Variants in TENM2 observed in about 807,000 individuals in gnomAD.
The protein encoded by TENM2 is teneurin-2.
A neutral mutation model predicts 245.2 loss-of-function variants in TENM2; 52 were observed. That is an observed-to-expected ratio of 0.21 (90% CI 0.17 to 0.27). The LOEUF (loss-of-function observed/expected upper bound fraction) is 0.27, where lower values mean the gene tolerates loss of function less well. TENM2 is among the 10% of genes least tolerant of loss of function. TENM2 has a pLI of 1.00. For synonymous variants in TENM2, 1,363 were observed against 1,438.9 expected (o/e 0.95, Z 1.19); for missense variants, 3,046 against 3,666.8 (o/e 0.83, Z 4.37).
intron 2 of TENM2, among the ~76,000 whole-genome samples, chr5:167,787,881 C>G (rs113604703): frequency 5.4e-4 from 82 of 152,186 alleles, no homozygotes; most frequent in Non-Finnish European, 8.8e-4. Flanking sequence ...TGCCCACCAC[C>G]GCTGTGGTAG....
At chr5:167,826,089 CA>C (rs1462492210) in intron 2 of TENM2, among the ~76,000 whole-genome samples, 1 of 151,888 alleles carries the variant, frequency 6.6e-6, no homozygotes, top group South Asian at 2.1e-4. Context: ...CTAGCATGTG[CA>C]AAAAAACAAA....
intron 2 of TENM2, among the ~76,000 whole-genome samples, chr5:167,810,536 T>A (rs1157907005): frequency 1.3e-5 from 2 of 151,844 alleles, no homozygotes; most frequent in African/African-American, 4.8e-5. Context: ...GCTGTGAAGG[T>A]TGATGTTGAG....
At chr5:167,653,744 T>TA (rs1754639968) in intron 2 of TENM2, 1 of 152,200 alleles carries the variant, frequency 6.6e-6, no homozygotes. Context: ...ATCAATACGC[T>TA]ACATTTCTCT....
At chr5:167,638,556 A>G (rs1306195563) in intron 2 of TENM2, among the ~76,000 whole-genome samples, 1 of 152,242 alleles carries the variant, frequency 6.6e-6, no homozygotes, top group East Asian at 1.9e-4. Context: ...AAGAAGGATT[A>G]GAAGACAGAG....
chr5:167,477,440 G>C (rs1016868804), intron 2 of TENM2, among the ~76,000 whole-genome samples: 5 of 152,058 alleles, frequency 3.3e-5, no homozygotes, highest in Admixed American at 1.3e-4. Flanking sequence ...TGGCGGGTGG[G>C]GGGGGAGGTC....
intron 5 of TENM2, among the ~76,000 whole-genome samples, chr5:168,023,283 A>AG (rs1425017618): frequency 3.3e-5 from 5 of 152,264 alleles, no homozygotes; most frequent in Non-Finnish European, 7.3e-5. Context: ...AATAAAAATA[A>AG]GCCAGCCTGA....
the TENM2 span, among the ~76,000 whole-genome samples, chr5:167,139,604 A>T: frequency 6.6e-6 from 1 of 152,338 alleles, no homozygotes; most frequent in Non-Finnish European, 1.5e-5. Flanking sequence ...TTATAATGTA[A>T]ACATTTTTCC....
chr5:167,270,114 T>C, the TENM2 span, among the ~76,000 whole-genome samples: 2 of 152,198 alleles, frequency 1.3e-5, no homozygotes, highest in South Asian at 4.1e-4. Flanking sequence ...TTTCAGATTT[T>C]CAGTGTTAAA....
chr5:167,672,912 CAAA>C (rs35274077), intron 2 of TENM2, among the ~76,000 whole-genome samples: 19 of 110,846 alleles, frequency 1.7e-4, no homozygotes, highest in Admixed American at 2.6e-4. Context: ...TCAGGCAAAG[CAAA>C]AAAAAAAAAA....
At chr5:167,591,666 CTCTT>C (rs1189354901) in intron 2 of TENM2, among the ~76,000 whole-genome samples, 1 of 152,206 alleles carries the variant, frequency 6.6e-6, no homozygotes, top group East Asian at 1.9e-4. Context: ...ATAAATTAAA[CTCTT>C]TATATATCAG....
At chr5:167,057,321 G>T in the TENM2 span, among the ~76,000 whole-genome samples, 1 of 152,094 alleles carries the variant, frequency 6.6e-6, no homozygotes, top group African/African-American at 2.4e-5. Flanking sequence ...TAACAACCCT[G>T]CCATCTCTAA....
chr5:167,782,202 A>G (rs1347165886), intron 2 of TENM2, among the ~76,000 whole-genome samples: 5 of 149,566 alleles, frequency 3.3e-5, no homozygotes, highest in Non-Finnish European at 7.4e-5. Context: ...AATCCCAGCT[A>G]CTCGGGAGGC....
intron 2 of TENM2, among the ~76,000 whole-genome samples, chr5:167,541,164 C>T (rs1267929417): frequency 6.6e-6 from 1 of 152,118 alleles, no homozygotes; most frequent in African/African-American, 2.4e-5. Flanking sequence ...AGCATCAATC[C>T]CTTCTTCTAA....
chr5:167,137,460 T>C, the TENM2 span, among the ~76,000 whole-genome samples: 1 of 152,190 alleles, frequency 6.6e-6, no homozygotes, highest in East Asian at 1.9e-4. Context: ...CCAGCTCTCA[T>C]GTGCCACACT....
chr5:168,168,631 G>GT (rs1562240739), intron 13 of TENM2, among the ~76,000 whole-genome samples: 1 of 149,628 alleles, frequency 6.7e-6, no homozygotes, highest in Non-Finnish European at 1.5e-5. Context: ...GCAGTAAGCC[G>GT]TGATTGTGCT....
chr5:167,020,333 T>C, the TENM2 span, among the ~76,000 whole-genome samples: 1 of 152,310 alleles, frequency 6.6e-6, no homozygotes, highest in Admixed American at 6.5e-5. Context: ...TTAAGAATGC[T>C]AGGAAGAAAC....
chr5:167,404,102 CTT>C (rs886741727), intron 2 of TENM2, among the ~76,000 whole-genome samples: 5 of 151,990 alleles, frequency 3.3e-5, no homozygotes, highest in African/African-American at 1.2e-4. Flanking sequence ...GAAAATGACA[CTT>C]ATATTTTAAA....
At chr5:167,464,405 A>T (rs1766516703) in intron 2 of TENM2, among the ~76,000 whole-genome samples, 1 of 152,222 alleles carries the variant, frequency 6.6e-6, no homozygotes. Flanking sequence ...GCCTCTTTGT[A>T]CAGATGAGTA....
At chr5:167,656,308 A>T (rs1045686383) in intron 2 of TENM2, among the ~76,000 whole-genome samples, 7 of 152,160 alleles carry the variant, frequency 4.6e-5, no homozygotes, top group Non-Finnish European at 7.4e-5. Flanking sequence ...TCTCCTGAGC[A>T]CATGTGAATG....
Sources: gnomAD v4.1 joint callset for allele counts (sites outside exome capture counted in the v4.1 genomes callset) on GRCh38, gnomAD v4.1.1 for gene constraint, MANE v1.5 for transcripts, NCBI Gene and HGNC (gene_info 2026-07-23, HGNC 2026-07-21) for gene names.